THSD7A: variants seen among roughly 807,000 people sequenced by gnomAD.
THSD7A encodes thrombospondin type-1 domain-containing protein 7A.
Under a neutral mutation model 231.3 loss-of-function variants are expected in THSD7A, and 96 were observed. That is an observed-to-expected ratio of 0.41 (90% CI 0.35 to 0.49). The LOEUF (loss-of-function observed/expected upper bound fraction) is 0.49, where lower values mean the gene tolerates loss of function less well. Among genes scored for constraint, THSD7A ranks in the 20% least tolerant of loss-of-function variants. The pLI, the probability that THSD7A is intolerant of heterozygous loss-of-function variation, is 0.05. For synonymous variants in THSD7A, 940 were observed against 743.3 expected (o/e 1.26, Z -4.30); for missense variants, 2,290 against 2,070.2 (o/e 1.11, Z -2.06).
At chr7:11,810,227 C>A (rs1784495578) in intron 1 of THSD7A, among the ~76,000 whole-genome samples, 1 of 152,142 alleles carries the variant, frequency 6.6e-6, no homozygotes, top group African/African-American at 2.4e-5. Flanking sequence ...AGAGAGCGAG[C>A]TATTCAGAGT....
At chr7:11,820,741 G>C (rs1784850672) in intron 1 of THSD7A, 1 of 1,197,386 alleles carries the variant, frequency 8.4e-7, no homozygotes, top group Non-Finnish European at 1.2e-6. Context: ...TCTCTTCAGT[G>C]TACTCTTCTG....
intron 6 of THSD7A, among the ~76,000 whole-genome samples, chr7:11,531,276 C>T (rs183646009): frequency 1.7e-3 from 262 of 152,250 alleles, no homozygotes; most frequent in African/African-American, 5.6e-3. Flanking sequence ...CTATAGTCTC[C>T]TCACTGCTGC....
At chr7:11,697,519 G>C (rs1780439420) in intron 1 of THSD7A, among the ~76,000 whole-genome samples, 1 of 151,032 alleles carries the variant, frequency 6.6e-6, no homozygotes, top group Non-Finnish European at 1.5e-5. Flanking sequence ...TCTTGAATGA[G>C]TATCAAGACA....
Position 11,637,587 on chromosome 7 carries a change from TC to T in THSD7A, c.191-627del, listed in dbSNP as rs68080248. ...ATTCTGCCTTTAAATTTACCAAATT[TC>T]CCCCCCATTTCCCAAGTGAAGTATA... On this transcript the variant is annotated intron_variant, in intron 1 of 27. Transcript: ENST00000423059. The surrounding 1 kb of genome is among the most constrained non-coding windows in gnomAD (Gnocchi z 4.2). Among the ~76,000 whole-genome samples, 49,207 of 151,760 alleles carry T rather than the reference TC, an allele frequency of 0.32. 8,033 individuals carry two copies. Among genetic ancestry groups the T allele is most frequent in the Admixed American group, 0.37 (5,578 of 15,240 alleles).
intron 24 of THSD7A, 183 bp from the exon 25 acceptor site, chr7:11,379,895 T>C (rs888562347): frequency 1.6e-6 from 1 of 619,430 alleles, no homozygotes; most frequent in Non-Finnish European, 2.9e-6. Flanking sequence ...TCCAGGCCCT[T>C]TTTACCCAGG....
chr7:11,402,802 T>A (rs1562581904), intron 22 of THSD7A, among the ~76,000 whole-genome samples: 1 of 152,206 alleles, frequency 6.6e-6, no homozygotes, highest in Non-Finnish European at 1.5e-5. Context: ...AGTTCTAATT[T>A]CTTCATTCGT....
At chr7:11,794,662 A>T (rs1485765738) in intron 1 of THSD7A, among the ~76,000 whole-genome samples, 1 of 151,994 alleles carries the variant, frequency 6.6e-6, no homozygotes, top group African/African-American at 2.4e-5. Context: ...TCATCGCCTA[A>T]GACCTAAGAA....
chr7:11,733,619 C>T (rs898717810), intron 1 of THSD7A, among the ~76,000 whole-genome samples: 2 of 151,734 alleles, frequency 1.3e-5, no homozygotes, highest in African/African-American at 4.8e-5. Context: ...AGCGTCTACA[C>T]AGAAGGCAGG....
chr7:11,564,766 C>A (rs1790233284), intron 4 of THSD7A, among the ~76,000 whole-genome samples: 2 of 152,252 alleles, frequency 1.3e-5, no homozygotes, highest in South Asian at 4.1e-4. Context: ...GAAAATCACT[C>A]CTCATGTCAT....
At chr7:11,577,510 T>A (rs780242380) in intron 4 of THSD7A, among the ~76,000 whole-genome samples, 1 of 151,870 alleles carries the variant, frequency 6.6e-6, no homozygotes, top group Non-Finnish European at 1.5e-5. Flanking sequence ...AGAGATGGAT[T>A]TTCGCCATGT....
chr7:11,534,375 G>C (rs1399043635), intron 6 of THSD7A, among the ~76,000 whole-genome samples: 1 of 152,148 alleles, frequency 6.6e-6, no homozygotes, highest in East Asian at 1.9e-4. Context: ...TTCAGCTTTT[G>C]CTTGGTCCTC....
chr7:11,724,874 T>A (rs1018018619), intron 1 of THSD7A, among the ~76,000 whole-genome samples: 20 of 151,874 alleles, frequency 1.3e-4, no homozygotes, highest in African/African-American at 4.3e-4. Flanking sequence ...TAATCAAAAG[T>A]AAATGCTGCT....
At chr7:11,579,246 C>T (rs895643647) in intron 4 of THSD7A, among the ~76,000 whole-genome samples, 1 of 152,164 alleles carries the variant, frequency 6.6e-6, no homozygotes, top group African/African-American at 2.4e-5. Context: ...ATGTAGTTTG[C>T]ACTCCTCTGT....
intron 6 of THSD7A, among the ~76,000 whole-genome samples, chr7:11,529,618 C>T (rs13310856): frequency 2.1e-4 from 32 of 150,778 alleles, no homozygotes; most frequent in African/African-American, 2.7e-4. Flanking sequence ...CTCTCTCTCT[C>T]GCTGCCATAT....
At chr7:11,679,421 A>G (rs1269335391) in intron 1 of THSD7A, among the ~76,000 whole-genome samples, 1 of 152,218 alleles carries the variant, frequency 6.6e-6, no homozygotes, top group African/African-American at 2.4e-5. Flanking sequence ...CTCTGTTTTC[A>G]GATGACTTGA....
chr7:11,721,919 A>G (rs1194319897), intron 1 of THSD7A, among the ~76,000 whole-genome samples: 1 of 151,760 alleles, frequency 6.6e-6, no homozygotes, highest in East Asian at 2.0e-4. Context: ...AAATATATTG[A>G]ACTCTTCTTA....
At chr7:11,757,227 A>T (rs1373899950) in intron 1 of THSD7A, among the ~76,000 whole-genome samples, 1 of 152,036 alleles carries the variant, frequency 6.6e-6, no homozygotes, top group Non-Finnish European at 1.5e-5. Context: ...TGGAAATACT[A>T]TTTAGACAAA....
chr7:11,547,103 G>T (rs1308991603), intron 4 of THSD7A, among the ~76,000 whole-genome samples: 1 of 152,152 alleles, frequency 6.6e-6, no homozygotes, highest in Non-Finnish European at 1.5e-5. Flanking sequence ...CTGAAAGGGA[G>T]TAAGGAAATT....
chr7:11,697,402 G>C (rs1177188501), intron 1 of THSD7A, among the ~76,000 whole-genome samples: 1 of 151,054 alleles, frequency 6.6e-6, no homozygotes, highest in African/African-American at 2.4e-5. Flanking sequence ...CTTTTATGTG[G>C]TTTCATATTT....
Sources: gnomAD v4.1 joint callset for allele counts (sites outside exome capture counted in the v4.1 genomes callset) on GRCh38, gnomAD v4.1.1 for gene constraint, Gnocchi (gnomAD v3.1) non-coding constraint, MANE v1.5 for transcripts, NCBI Gene and HGNC (gene_info 2026-07-23, HGNC 2026-07-21) for gene names.